Variants in KIF20B observed in about 807,000 individuals in gnomAD.
KIF20B encodes the protein kinesin family member 20B.
In KIF20B, 188 loss-of-function variants were observed where a neutral mutation model predicts 232.5. The observed-to-expected ratio is 0.81, with a 90% CI of 0.72 to 0.91. The LOEUF (loss-of-function observed/expected upper bound fraction) is 0.91. Among genes scored for constraint, KIF20B ranks in the 40% least tolerant of loss-of-function variants. KIF20B has a pLI of 0.00. For synonymous variants in KIF20B, 712 were observed against 683.0 expected (o/e 1.04, Z -0.66); for missense variants, 2,154 against 2,055.9 (o/e 1.05, Z -0.92).
chr10:89,717,467 G>A lies in KIF20B; in HGVS notation c.1096G>A (p.Glu366Lys), dbSNP rs1842957248. 6.3e-7 allele frequency: 1 copy of A among 1,597,342 alleles called. No homozygotes were observed. The highest frequency in any genetic ancestry group is 1.7e-5 in the Admixed American group (1 of 59,714). Residue 366 changes from glutamate to lysine, a missense_variant, in exon 10 of 33, where the codon GAA becomes AAA. Transcript: ENST00000371728. ...TAAAATATTACAGATTGAAGATTCT[G>A]AAATGTCTCGTGTAATTCGAGTCAG... ...TVKILQIEDS[E>K]MSRVIRVSEL... is the part of the protein sequence containing the mutation.
chr10:89,725,367 TTA>T (rs111527643), intron 15 of KIF20B, among the ~76,000 whole-genome samples: 34,351 of 150,938 alleles, frequency 0.23, 4,026 homozygotes, highest in Admixed American at 0.3. Flanking sequence ...TATACCTCTG[TTA>T]TATATATATA....
intron 11 of KIF20B, 127 bp from the exon 12 acceptor site, chr10:89,718,583 C>A: frequency 1.4e-6 from 1 of 700,926 alleles, no homozygotes; most frequent in Non-Finnish European, 2.5e-6. Flanking sequence ...ACATCTGAAA[C>A]TAATCACTAC....
chr10:89,723,843 T>C, intron 13 of KIF20B, 121 bp from the exon 14 acceptor site: 1 of 859,416 alleles, frequency 1.2e-6, no homozygotes, highest in Non-Finnish European at 1.6e-6. Flanking sequence ...TTATCACTAT[T>C]AAAAAGGACA....
intron 1 of KIF20B, among the ~76,000 whole-genome samples, chr10:89,704,533 A>G (rs1485970936): frequency 6.6e-6 from 1 of 151,442 alleles, no homozygotes; most frequent in East Asian, 1.9e-4. Flanking sequence ...TGAAATTGAA[A>G]ACAATTTTTC....
intron 13 of KIF20B, among the ~76,000 whole-genome samples, chr10:89,722,389 G>A (rs896202033): frequency 2.6e-5 from 4 of 152,108 alleles, no homozygotes; most frequent in Admixed American, 6.5e-5. Context: ...TAAACTTCCC[G>A]CCAGGCGCGG....
At chr10:89,707,101 C>A (rs979662640) in intron 2 of KIF20B, among the ~76,000 whole-genome samples, 1 of 152,038 alleles carries the variant, frequency 6.6e-6, no homozygotes, top group Non-Finnish European at 1.5e-5. Flanking sequence ...AATGTAGAGG[C>A]CTTTCGTGTC....
intron 1 of KIF20B, among the ~76,000 whole-genome samples, chr10:89,703,730 C>T (rs898235065): frequency 6.7e-6 from 1 of 149,374 alleles, no homozygotes; most frequent in African/African-American, 2.5e-5. Context: ...CAGAATTTGA[C>T]TTTGGCGCCC....
At chr10:89,734,112 A>T (rs139329389) in intron 19 of KIF20B, among the ~76,000 whole-genome samples, 40 of 152,070 alleles carry the variant, frequency 2.6e-4, no homozygotes, top group African/African-American at 8.9e-4. Flanking sequence ...ATTTTAATTT[A>T]TCAAAAGGGG....
chr10:89,713,821 C>G (rs941606237), intron 6 of KIF20B, among the ~76,000 whole-genome samples: 8 of 151,952 alleles, frequency 5.3e-5, no homozygotes, highest in African/African-American at 1.9e-4. Flanking sequence ...TTAATAGTAA[C>G]CAACCAGAGT....
At chr10:89,769,685 ATG>A (rs756834113) in intron 31 of KIF20B, among the ~76,000 whole-genome samples, 1 of 106,440 alleles carries the variant, frequency 9.4e-6, no homozygotes, top group Non-Finnish European at 2.3e-5. Context: ...ATATATACAC[ATG>A]TGTGCACATA....
intron 19 of KIF20B, among the ~76,000 whole-genome samples, chr10:89,735,155 A>G (rs566136740): frequency 3.0e-4 from 45 of 152,350 alleles, no homozygotes; most frequent in Non-Finnish European, 5.9e-4. Flanking sequence ...AAATTAATGT[A>G]ACTGGAATAT....
At chr10:89,752,991 C>G (rs1231078083) in intron 25 of KIF20B, among the ~76,000 whole-genome samples, 1 of 152,120 alleles carries the variant, frequency 6.6e-6, no homozygotes, top group Non-Finnish European at 1.5e-5. Flanking sequence ...TTTTTCTACT[C>G]CTTAAACTTC....
At chr10:89,757,352 T>C (rs1842151545) in intron 26 of KIF20B, among the ~76,000 whole-genome samples, 1 of 151,896 alleles carries the variant, frequency 6.6e-6, no homozygotes, top group Non-Finnish European at 1.5e-5. Context: ...TTCTTATTTG[T>C]AGGAATTCTT....
intron 11 of KIF20B, among the ~76,000 whole-genome samples, chr10:89,718,132 A>G (rs1251707782): frequency 6.6e-6 from 1 of 152,208 alleles, no homozygotes; most frequent in Non-Finnish European, 1.5e-5. Context: ...GTTTCATGAC[A>G]TCTCTTATAT....
intron 21 of KIF20B, among the ~76,000 whole-genome samples, chr10:89,741,320 A>C (rs2133133871): frequency 6.6e-6 from 1 of 152,242 alleles, no homozygotes; most frequent in Non-Finnish European, 1.5e-5. Flanking sequence ...AATACAGATG[A>C]AGCTTCACTC....
At position 89,715,131 on chromosome 10, in the gene KIF20B, A is replaced by G; in HGVS notation, c.889A>G (p.Arg297Gly). 1.2e-6 allele frequency: 2 copies of G among 1,608,216 alleles called. No homozygotes were observed. The highest frequency in any genetic ancestry group is 1.7e-6 in the Non-Finnish European group (2 of 1,177,764). Residue 297 changes from arginine to glycine, a missense_variant, in exon 8 of 33, where the codon AGA (arginine) becomes GGA (glycine). Arg to Gly is a moderately radical substitution (Grantham distance 125). Coordinates refer to ENST00000371728, the MANE Select transcript of KIF20B (RefSeq NM_001284259.2). Reference protein sequence around the residue: ...FVPVSSKFQKRKMLRLSQDVK... With the variant: ...FVPVSSKFQKGKMLRLSQDVK... ...TCCTGTATCATCTAAATTCCAAAAG[A>G]GAAAGATGCTGCGCCTTTCCCAAGA...
chr10:89,722,503 A>G (rs535293697), intron 13 of KIF20B, among the ~76,000 whole-genome samples: 2 of 152,218 alleles, frequency 1.3e-5, no homozygotes, highest in South Asian at 4.1e-4. Flanking sequence ...CCCTGTCTCT[A>G]CTAAAAATAC....
intron 21 of KIF20B, among the ~76,000 whole-genome samples, chr10:89,743,523 A>G (rs1841848891): frequency 6.6e-6 from 1 of 152,156 alleles, no homozygotes; most frequent in African/African-American, 2.4e-5. Flanking sequence ...TTATGTATAG[A>G]TGTTATGATA....
At chr10:89,773,247 G>A (rs1842502458) in intron 32 of KIF20B, among the ~76,000 whole-genome samples, 1 of 151,920 alleles carries the variant, frequency 6.6e-6, no homozygotes, top group African/African-American at 2.4e-5. Flanking sequence ...ATTAGGAAGA[G>A]ACTGTAGTTA....
Sources: allele counts gnomAD v4.1 joint callset (sites outside exome capture counted in the v4.1 genomes callset), GRCh38; gene constraint gnomAD v4.1.1; transcripts MANE v1.5; gene names NCBI Gene and HGNC (gene_info 2026-07-23, HGNC 2026-07-21).